A1CF: variants seen among roughly 807,000 people sequenced by gnomAD.
A1CF encodes APOBEC1 complementation factor, also known as APOBEC-1 stimulating protein.
Under a neutral mutation model 68.9 loss-of-function variants are expected in A1CF, and 48 were observed. The ratio of observed to expected loss-of-function variants is 0.70; its 90% CI spans 0.55 to 0.89. The LOEUF (loss-of-function observed/expected upper bound fraction) is 0.89, where lower values mean the gene tolerates loss of function less well. Ranked by LOEUF, A1CF falls within the 40% of genes least tolerant of loss-of-function variation. A1CF has a pLI of 0.00. For missense variants in A1CF, 653 were observed against 718.9 expected, an observed-to-expected ratio of 0.91 and a Z score of 1.05; for synonymous variants, 272 against 260.4, an observed-to-expected ratio of 1.04 and a Z score of -0.43.
At chr10:50,850,956 C>A (rs888555761) in intron 3 of A1CF, 2 of 803,358 alleles carry the variant, frequency 2.5e-6, no homozygotes, top group African/African-American at 1.7e-5. Context: ...ATTATTATGG[C>A]CGCTAGATCT....
intron 1 of A1CF, among the ~76,000 whole-genome samples, chr10:50,872,576 C>T (rs1841319549): frequency 6.6e-6 from 1 of 152,104 alleles, no homozygotes; most frequent in Admixed American, 6.6e-5. Context: ...CTGTGAAGAA[C>T]ACAGGACACC....
intron 6 of A1CF, among the ~76,000 whole-genome samples, chr10:50,830,859 A>T (rs1444715688): frequency 6.6e-6 from 1 of 152,188 alleles, no homozygotes; most frequent in Non-Finnish European, 1.5e-5. Flanking sequence ...TGATCTCAAA[A>T]TATACTGCAA....
At chr10:50,877,498 G>T (rs1237646625) in intron 1 of A1CF, among the ~76,000 whole-genome samples, 1 of 152,172 alleles carries the variant, frequency 6.6e-6, no homozygotes, top group Non-Finnish European at 1.5e-5. Context: ...TCTGAGTGAA[G>T]CTTTAAAAAA....
In A1CF at chr10:50,833,438, T is replaced by G. The variant is rs144441948; in HGVS notation, c.604+2636A>C. Reference sequence around the variant, plus strand: ...TTAGAACACCTTTCTAGTTTCTGAGTGGGATGCAGCAACTTTGTTCTGTAA... The same window carrying G: ...TTAGAACACCTTTCTAGTTTCTGAGGGGGATGCAGCAACTTTGTTCTGTAA... On this transcript the variant is annotated intron_variant, in intron 6 of 12. Coordinates refer to ENST00000373997, the MANE Select transcript of A1CF (RefSeq NM_014576.4). 2.3e-3 allele frequency among the ~76,000 whole-genome samples: 347 copies of G among 152,194 alleles called. 1 individual carries two copies. Among genetic ancestry groups the G allele is most frequent in the Non-Finnish European group, 4.0e-3 (270 of 67,988 alleles).
intron 3 of A1CF, among the ~76,000 whole-genome samples, chr10:50,858,260 A>G (rs1476903886): frequency 6.6e-6 from 1 of 152,134 alleles, no homozygotes; most frequent in South Asian, 2.1e-4. Context: ...AAGGATTTTT[A>G]TTACCTGAAC....
At chr10:50,820,403 C>A in intron 8 of A1CF, 149 bp downstream of exon 8, 1 of 536,524 alleles carries the variant, frequency 1.9e-6, no homozygotes, top group East Asian at 3.1e-5. Flanking sequence ...TATTTTCCAT[C>A]ATTTCTCTTT....
At chr10:50,823,305 G>A (rs750099481) in intron 7 of A1CF, among the ~76,000 whole-genome samples, 3 of 152,118 alleles carry the variant, frequency 2.0e-5, no homozygotes, top group Non-Finnish European at 4.4e-5. Context: ...GTGCATAGGA[G>A]TTTGTTTAAT....
intron 3 of A1CF, among the ~76,000 whole-genome samples, chr10:50,848,573 C>T (rs1289341747): frequency 6.6e-6 from 1 of 152,174 alleles, no homozygotes; most frequent in Non-Finnish European, 1.5e-5. Flanking sequence ...CTCATTCAGC[C>T]TGTTTTTTCC....
intron 6 of A1CF, among the ~76,000 whole-genome samples, chr10:50,830,170 C>A (rs1349464127): frequency 1.3e-5 from 2 of 152,016 alleles, no homozygotes; most frequent in Non-Finnish European, 2.9e-5. Context: ...ATCGTTTGAC[C>A]AATATCTCTC....
chr10:50,825,113 A>G (rs1195709575), intron 7 of A1CF, among the ~76,000 whole-genome samples: 2 of 152,160 alleles, frequency 1.3e-5, no homozygotes, highest in African/African-American at 4.8e-5. Context: ...TGTCCTTCAG[A>G]GCAAATCATC....
intron 9 of A1CF, among the ~76,000 whole-genome samples, chr10:50,815,129 T>C (rs1366290826): frequency 6.6e-6 from 1 of 152,200 alleles, no homozygotes; most frequent in Non-Finnish European, 1.5e-5. Flanking sequence ...AATGCACAGT[T>C]TATCGAATTG....
At chr10:50,848,383 G>T (rs1334249237) in intron 3 of A1CF, among the ~76,000 whole-genome samples, 1 of 152,106 alleles carries the variant, frequency 6.6e-6, no homozygotes, top group Non-Finnish European at 1.5e-5. Flanking sequence ...GAACTTTATG[G>T]CATATATAGT....
At chr10:50,844,744 C>T (rs948375959) in intron 3 of A1CF, among the ~76,000 whole-genome samples, 2 of 152,142 alleles carry the variant, frequency 1.3e-5, no homozygotes, top group African/African-American at 4.8e-5. Context: ...GAAAAATTCT[C>T]CAATGTATCA....
rs1282101380 is a variant in A1CF, at chr10:50,803,270, T to G, written c.*3459A>C. Reference sequence around the variant, plus strand: ...CAACTGGCCAATTAAATTAAATTTGTTTTTTTTTTTTTTGTAGAGGCGGAG... The same window carrying G: ...CAACTGGCCAATTAAATTAAATTTGGTTTTTTTTTTTTTGTAGAGGCGGAG... On this transcript the variant is annotated 3_prime_UTR_variant, in exon 13 of 13. Transcript: ENST00000373997. 2 of 126,816 alleles carry G rather than the reference T, an allele frequency of 1.6e-5. No homozygotes were observed. The highest frequency in any genetic ancestry group is 2.2e-4 in the South Asian group (1 of 4,470). 7.9% of individuals were successfully genotyped at this position (126,816 alleles called of 1,614,324 possible).
chr10:50,838,158 C>T (rs978065497), intron 5 of A1CF, among the ~76,000 whole-genome samples: 5 of 152,078 alleles, frequency 3.3e-5, no homozygotes, highest in Non-Finnish European at 5.9e-5. Flanking sequence ...GGTGAGTGGG[C>T]GATTGGTCTG....
chr10:50,852,156 C>T (rs1270208108), intron 3 of A1CF, among the ~76,000 whole-genome samples: 1 of 152,212 alleles, frequency 6.6e-6, no homozygotes, highest in Non-Finnish European at 1.5e-5. Flanking sequence ...TAGAAAAAGT[C>T]TGTGCTTCTA....
intron 3 of A1CF, among the ~76,000 whole-genome samples, chr10:50,851,205 C>T (rs532673735): frequency 1.3e-5 from 2 of 152,280 alleles, no homozygotes; most frequent in East Asian, 3.9e-4. Context: ...TCTATTCTGA[C>T]TTTAATTATT....
intron 3 of A1CF, among the ~76,000 whole-genome samples, chr10:50,849,786 C>CTTTTTTTTTT (rs71949925): frequency 7.2e-5 from 6 of 83,654 alleles, no homozygotes; most frequent in Admixed American, 1.8e-4. Context: ...TTAATGAATT[C>CTTTTTTTTTT]TTTTTTTTTT....
intron 9 of A1CF, 21 bp from the exon 10 acceptor site, chr10:50,814,059 A>T: frequency 1.2e-6 from 2 of 1,612,504 alleles, no homozygotes; most frequent in Non-Finnish European, 1.7e-6. Context: ...ATTCATGTAA[A>T]TTTCTAGGAA....
Sources: gnomAD v4.1 joint callset for allele counts (sites outside exome capture counted in the v4.1 genomes callset) on GRCh38, gnomAD v4.1.1 for gene constraint, MANE v1.5 for transcripts, NCBI Gene and HGNC (gene_info 2026-07-23, HGNC 2026-07-21) for gene names.